Variants in KIAA0513 observed in about 807,000 individuals in gnomAD.
KIAA0513 encodes the protein KIAA0513.
In KIAA0513, 39 loss-of-function variants were observed where a neutral mutation model predicts 56.5. The observed-to-expected ratio is 0.69, with a 90% confidence interval of 0.53 to 0.90. The LOEUF (loss-of-function observed/expected upper bound fraction) is 0.90, where lower values mean the gene tolerates loss of function less well. Among genes scored for constraint, KIAA0513 ranks in the 40% least tolerant of loss-of-function variants. KIAA0513 has a pLI of 0.00. For synonymous variants in KIAA0513, 268 were observed against 215.6 expected, an observed-to-expected ratio of 1.24 and a Z score of -2.13; for missense variants, 591 against 535.2, an observed-to-expected ratio of 1.10 and a Z score of -1.03.
intron 1 of KIAA0513, among the ~76,000 whole-genome samples, chr16:85,032,158 G>T (rs1289613777): frequency 6.6e-6 from 1 of 152,220 alleles, no homozygotes; most frequent in Admixed American, 6.5e-5. Context: ...CTGGTGGCCG[G>T]TGATCCGTGT....
At chr16:85,068,726 C>G (rs1002175866) in intron 2 of KIAA0513, among the ~76,000 whole-genome samples, 1 of 152,202 alleles carries the variant, frequency 6.6e-6, no homozygotes, top group Non-Finnish European at 1.5e-5. Context: ...CTCGGCCTCC[C>G]AAAGTGCTGG....
Position 85,081,935 on chromosome 16 carries a change from A to T in KIAA0513, c.980+543A>T, listed in dbSNP as rs1341618601. On this transcript the variant is annotated intron_variant, in intron 9 of 12. Coordinates refer to ENST00000683363, the MANE Select transcript of KIAA0513 (RefSeq NM_001388359.1). The surrounding 1 kb of genome is among the most constrained non-coding windows in gnomAD (Gnocchi z 4.4). ...ACCCCACGGGGGCCGATGCCATAGCAAGCAAAGCTGCCGTCCACCATGTGC... is the reference window on the plus strand; with the variant it reads ...ACCCCACGGGGGCCGATGCCATAGCTAGCAAAGCTGCCGTCCACCATGTGC... Among the ~76,000 whole-genome samples, 1 of 152,182 alleles carries T rather than the reference A, an allele frequency of 6.6e-6. No individual in the cohort carries two copies. Among genetic ancestry groups the T allele is most frequent in the Non-Finnish European group, 1.5e-5 (1 of 68,030 alleles).
In KIAA0513 at chr16:85,090,448, T is replaced by C. The variant is rs2073856560; in HGVS notation, c.*2123T>C. 6.6e-6 allele frequency: 1 copy of C among 152,238 alleles called. No homozygotes were observed. Among genetic ancestry groups the C allele is most frequent in the Non-Finnish European group, 1.5e-5 (1 of 68,034 alleles). The allele number at this position is 152,238 out of a possible 1,614,324, so 9.4% of individuals were successfully genotyped here. A position where few individuals can be genotyped will look rare whatever the true frequency, so the allele number is the denominator to read the frequency against. On this transcript the variant is annotated 3_prime_UTR_variant, in exon 13 of 13. Transcript: ENST00000683363. Reference sequence around the variant, plus strand: ...GTTTTGTTTGATTCTGAGACTCTCTTGGGAACGCTGGAGAGCTTGTGCACA... The same window carrying C: ...GTTTTGTTTGATTCTGAGACTCTCTCGGGAACGCTGGAGAGCTTGTGCACA...
intron 1 of KIAA0513, among the ~76,000 whole-genome samples, chr16:85,032,631 C>T (rs2143830262): frequency 6.6e-6 from 1 of 152,148 alleles, no homozygotes; most frequent in South Asian, 2.1e-4. Context: ...ATTACATCCA[C>T]AAAGACCCTT....
In KIAA0513 at chr16:85,056,794, G is replaced by A. The variant is rs996388550; in HGVS notation, c.-172-10106G>A. 3.5e-4 allele frequency among the ~76,000 whole-genome samples: 53 copies of A among 152,100 alleles called. 1 individual carries two copies. The highest frequency in any genetic ancestry group is 7.3e-5 in the Non-Finnish European group (5 of 68,030). On this transcript the variant is annotated intron_variant, in intron 1 of 12. Transcript: ENST00000683363. Reference sequence around the variant, plus strand: ...AGCTTACTGTAGCCTTGAACATCTGGGGTCAAGGAATCCTCATGCCTCAGC... The same window carrying A: ...AGCTTACTGTAGCCTTGAACATCTGAGGTCAAGGAATCCTCATGCCTCAGC...
At chr16:85,070,282 C>G (rs1450652488) in intron 2 of KIAA0513, among the ~76,000 whole-genome samples, 1 of 152,090 alleles carries the variant, frequency 6.6e-6, no homozygotes. Flanking sequence ...TGACTTCCGC[C>G]TTATTCATGG....
intron 1 of KIAA0513, among the ~76,000 whole-genome samples, chr16:85,051,225 C>T (rs969600426): frequency 7.2e-5 from 11 of 152,126 alleles, no homozygotes; most frequent in African/African-American, 2.2e-4. Flanking sequence ...GAACTTAATG[C>T]GTTTTATTCT....
chr16:85,060,329 G>A (rs2073386079), intron 1 of KIAA0513, among the ~76,000 whole-genome samples: 1 of 152,156 alleles, frequency 6.6e-6, no homozygotes, highest in South Asian at 2.1e-4. Flanking sequence ...TGTTTGGGCT[G>A]CCAGGGAGTT....
rs990031861 is a variant in KIAA0513, at chr16:85,053,795, C to T, written c.-172-13105C>T. On this transcript the variant is annotated intron_variant, in intron 1 of 12. Coordinates refer to ENST00000683363, the MANE Select transcript of KIAA0513 (RefSeq NM_001388359.1). ...GATCACAAGGTCAAAAGATCAAGAC[C>T]ATTCTGGCCAACATGGTGAAACCCC... is the stretch of plus-strand genomic sequence containing the variant. 3.3e-5 allele frequency among the ~76,000 whole-genome samples: 5 copies of T among 152,058 alleles called. 1 individual carries two copies. The highest frequency in any genetic ancestry group is 1.2e-4 in the African/African-American group (5 of 41,390).
intron 2 of KIAA0513, among the ~76,000 whole-genome samples, chr16:85,069,140 C>T (rs1345784153): frequency 6.6e-6 from 1 of 152,040 alleles, no homozygotes; most frequent in Non-Finnish European, 1.5e-5. Context: ...AAGCAGTCTT[C>T]CCACCGCAGC....
chr16:85,076,640 C>G lies in KIAA0513; in HGVS notation c.574+726C>G, dbSNP rs1001785871. Reference sequence around the variant, plus strand: ...CTCTTGGGGTGTATGTATCCCCTCCCCCTCCCACAGCCATCCTCTCCGCAC... The same window carrying G: ...CTCTTGGGGTGTATGTATCCCCTCCGCCTCCCACAGCCATCCTCTCCGCAC... On this transcript the variant is annotated intron_variant, in intron 5 of 12. Coordinates refer to ENST00000683363, the MANE Select transcript of KIAA0513 (RefSeq NM_001388359.1). This position sits in a 1 kb window ranked among gnomAD's most constrained non-coding sequence, Gnocchi z 4.7. 6.6e-6 allele frequency among the ~76,000 whole-genome samples: 1 copy of G among 152,128 alleles called. No individual in the cohort carries two copies.
intron 4 of KIAA0513, among the ~76,000 whole-genome samples, chr16:85,073,667 C>A (rs1231910143): frequency 2.0e-5 from 3 of 152,226 alleles, no homozygotes; most frequent in Admixed American, 6.5e-5. Flanking sequence ...GCCTCTTGGC[C>A]TTGGGGAGGC....
intron 1 of KIAA0513, among the ~76,000 whole-genome samples, chr16:85,043,771 G>A (rs888560317): frequency 6.6e-6 from 1 of 152,120 alleles, no homozygotes; most frequent in African/African-American, 2.4e-5. Flanking sequence ...GGTGGCCCAC[G>A]CCTGTAATCC....
In KIAA0513 at chr16:85,089,377, A is replaced by C. The variant is rs1215088917; in HGVS notation, c.*1052A>C. On this transcript the variant is annotated 3_prime_UTR_variant, in exon 13 of 13. Transcript: ENST00000683363. This position sits in a 1 kb window ranked among gnomAD's most constrained non-coding sequence, Gnocchi z 4.2. ...CTGAGCATTGGGCCCCTTCCCCACC[A>C]GACCTTTGTAGCTCCTCCAGCCTCT... 1 of 152,840 alleles carries C rather than the reference A, an allele frequency of 6.5e-6. No homozygotes were observed. Among genetic ancestry groups the C allele is most frequent in the Non-Finnish European group, 1.5e-5 (1 of 68,564 alleles). 9.5% of individuals were successfully genotyped at this position (152,840 alleles called of 1,614,324 possible).
intron 10 of KIAA0513, among the ~76,000 whole-genome samples, chr16:85,085,858 C>T (rs1363777654): frequency 6.6e-6 from 1 of 152,244 alleles, no homozygotes; most frequent in African/African-American, 2.4e-5. Flanking sequence ...AAACCTCGGC[C>T]GATGCCGTCT....
At chr16:85,063,838 C>A (rs1052453928) in intron 1 of KIAA0513, among the ~76,000 whole-genome samples, 1 of 151,840 alleles carries the variant, frequency 6.6e-6, no homozygotes, top group African/African-American at 2.4e-5. Flanking sequence ...TATTCGCAGG[C>A]CTCTGAACAG....
intron 1 of KIAA0513, among the ~76,000 whole-genome samples, chr16:85,036,304 C>T (rs1327892471): frequency 2.6e-5 from 4 of 152,156 alleles, no homozygotes; most frequent in Admixed American, 6.5e-5. Context: ...ACTCCATCAA[C>T]GAAACCCCTT....
chr16:85,044,510 A>AT (rs746418986), intron 1 of KIAA0513, among the ~76,000 whole-genome samples: 3,211 of 136,932 alleles, frequency 0.023, 59 homozygotes, highest in African/African-American at 0.048. Context: ...TTTTATTTTT[A>AT]TTTTTTTTTT....
intron 10 of KIAA0513, among the ~76,000 whole-genome samples, chr16:85,082,908 G>A (rs554277865): frequency 3.9e-5 from 6 of 152,248 alleles, no homozygotes; most frequent in African/African-American, 9.6e-5. Context: ...CGGTGACGCC[G>A]GGGAAAGCGG....
Sources: gnomAD v4.1 joint callset for allele counts (sites outside exome capture counted in the v4.1 genomes callset) on GRCh38, gnomAD v4.1.1 for gene constraint, Gnocchi (gnomAD v3.1) non-coding constraint, MANE v1.5 for transcripts, NCBI Gene and HGNC (gene_info 2026-07-23, HGNC 2026-07-21) for gene names.